Variants in TFAP4 observed in about 807,000 individuals in gnomAD.
TFAP4 encodes the protein transcription factor AP-4, also known as activating enhancer-binding protein 4.
A neutral mutation model predicts 40.4 loss-of-function variants in TFAP4; 7 were observed. The observed-to-expected ratio is 0.17, with a 90% CI of 0.10 to 0.33. The LOEUF is 0.33. TFAP4 is among the 10% of genes least tolerant of loss of function. The pLI is 1.00. For synonymous variants in TFAP4, 218 were observed against 181.4 expected (o/e 1.20, Z -1.62); for missense variants, 374 against 451.1 (o/e 0.83, Z 1.55).
intron 6 of TFAP4, 111 bp downstream of exon 6, chr16:4,259,979 C>T (rs958685779): frequency 7.2e-7 from 1 of 1,379,416 alleles, no homozygotes; most frequent in African/African-American, 1.5e-5. Flanking sequence ...CCACCCCTTC[C>T]CACACAAGCA....
At chr16:4,264,290 TG>T (rs1285409442) in intron 1 of TFAP4, 1 of 152,634 alleles carries the variant, frequency 6.6e-6, no homozygotes, top group Admixed American at 6.5e-5. Context: ...GTGGCCTTCC[TG>T]GCCCCACCCA....
intron 6 of TFAP4, 136 bp from the exon 7 acceptor site, chr16:4,258,385 G>A: frequency 1.3e-6 from 1 of 790,410 alleles, no homozygotes; most frequent in Non-Finnish European, 2.0e-6. Flanking sequence ...CAGCAGGGGA[G>A]GCCCGCTAGA....
intron 4 of TFAP4, 109 bp downstream of exon 4, chr16:4,261,670 G>A (rs1218065869): frequency 3.1e-6 from 4 of 1,285,338 alleles, no homozygotes; most frequent in Non-Finnish European, 4.1e-6. Context: ...CACCGCAGTA[G>A]GTGCTCCTGT....
intron 1 of TFAP4, among the ~76,000 whole-genome samples, chr16:4,269,569 T>C (rs1050648243): frequency 2.0e-5 from 3 of 149,650 alleles, no homozygotes; most frequent in African/African-American, 7.4e-5. Flanking sequence ...CACAGCACTT[T>C]GGGAGGACGA....
At chr16:4,271,540 G>A (rs1177647964) in intron 1 of TFAP4, among the ~76,000 whole-genome samples, 2 of 152,226 alleles carry the variant, frequency 1.3e-5, no homozygotes, top group Admixed American at 6.5e-5. Context: ...TAAGAAGTGT[G>A]CGGGGTGGTT....
rs543424880 is a variant in TFAP4, at chr16:4,265,959, T to A, written c.90-3258A>T. ...GCCCCTCTGAACACAAGCCCACAAG[T>A]GAGGTGACTTGCCCAAGGTCACACC... On this transcript the variant is annotated intron_variant, in intron 1 of 6. Coordinates refer to ENST00000204517, the MANE Select transcript of TFAP4 (RefSeq NM_003223.3). 3 of 152,352 alleles carry A rather than the reference T, an allele frequency of 2.0e-5. No individual in the cohort carries two copies. In the South Asian group the frequency reaches 6.2e-4, roughly 32 times the overall value. The allele number at this position is 152,352 out of a possible 1,614,324, so 9.4% of individuals were successfully genotyped here.
intron 1 of TFAP4, among the ~76,000 whole-genome samples, chr16:4,270,150 C>A (rs1201105485): frequency 6.6e-6 from 1 of 151,966 alleles, no homozygotes; most frequent in Non-Finnish European, 1.5e-5. Context: ...GCACTCCATT[C>A]TGGGTGACAG....
chr16:4,260,020 C>T (rs376993133), intron 6 of TFAP4, 70 bp downstream of exon 6: 415 of 1,491,488 alleles, frequency 2.8e-4, no homozygotes, highest in Middle Eastern at 1.3e-3. Flanking sequence ...CCCTCTTTTC[C>T]AGTCTCCCCT....
At chr16:4,272,599 G>T in intron 1 of TFAP4, 59 bp downstream of exon 1, 1 of 1,422,028 alleles carries the variant, frequency 7.0e-7, no homozygotes, top group Non-Finnish European at 9.5e-7. Context: ...CGCCCGCCCG[G>T]GCGGGCTGGC....
chr16:4,272,080 G>A (rs1223922095), intron 1 of TFAP4, among the ~76,000 whole-genome samples: 2 of 150,726 alleles, frequency 1.3e-5, no homozygotes, highest in Non-Finnish European at 3.0e-5. Flanking sequence ...CGGGCCCCTC[G>A]GGGTCCGCCC....
Position 4,262,392 on chromosome 16 carries a change from T to C in TFAP4, c.286A>G (p.Ile96Val), listed in dbSNP as rs1438731709. 2.5e-6 allele frequency: 4 copies of C among 1,614,174 alleles called. No homozygotes were observed. The highest frequency in any genetic ancestry group is 1.6e-4 in the Middle Eastern group (1 of 6,062). The change falls in exon 3 of 7, where the codon ATC (isoleucine) becomes GTC (valine). Residue 96 changes from isoleucine to valine, a missense_variant. Transcript: ENST00000204517. ...GTCTTCTCCTGCTCCAGGGAGAAGATGTACTCGGCTGTCTGCTGGAGAATG... is the reference window on the plus strand; with the variant it reads ...GTCTTCTCCTGCTCCAGGGAGAAGACGTACTCGGCTGTCTGCTGGAGAATG... Reference protein sequence around the residue: ...AAILQQTAEYIFSLEQEKTRL... With the variant: ...AAILQQTAEYVFSLEQEKTRL...
At chr16:4,262,178 C>G in intron 3 of TFAP4, 146 bp downstream of exon 3, 1 of 1,038,012 alleles carries the variant, frequency 9.6e-7, no homozygotes, top group East Asian at 2.4e-5. Context: ...GATGGGGAAA[C>G]TGAGGCCGGG....
At chr16:4,262,448 C>A in intron 2 of TFAP4, 26 bp from the exon 3 acceptor site, 1 of 1,613,980 alleles carries the variant, frequency 6.2e-7, no homozygotes. Context: ...AGCCGAGAGT[C>A]AGGCTGGCAG....
chr16:4,261,118 C>T (rs962996894), intron 4 of TFAP4, among the ~76,000 whole-genome samples: 2 of 151,152 alleles, frequency 1.3e-5, no homozygotes, highest in African/African-American at 4.9e-5. Flanking sequence ...ACAGGCACAC[C>T]CCACCACACC....
intron 1 of TFAP4, among the ~76,000 whole-genome samples, chr16:4,270,143 C>T (rs1436100518): frequency 6.6e-6 from 1 of 152,092 alleles, no homozygotes; most frequent in Non-Finnish European, 1.5e-5. Flanking sequence ...CAAGATTGCA[C>T]TCCATTCTGG....
intron 2 of TFAP4, 37 bp from the exon 3 acceptor site, chr16:4,262,459 T>G (rs2052957755): frequency 6.2e-7 from 1 of 1,613,722 alleles, no homozygotes. Flanking sequence ...AGGCTGGCAG[T>G]GTTTACCAGA....
chr16:4,261,702 C>G (rs557661861), intron 4 of TFAP4, 77 bp downstream of exon 4: 51 of 1,438,282 alleles, frequency 3.5e-5, no homozygotes, highest in Non-Finnish European at 4.7e-5. Context: ...CACCGAGGGC[C>G]GCAGAGCAAG....
In TFAP4 at chr16:4,257,757, T is replaced by C. The variant is rs1597310052; in HGVS notation, c.*298A>G. On this transcript the variant is annotated 3_prime_UTR_variant, in exon 7 of 7. Transcript: ENST00000204517. Reference sequence around the variant, plus strand: ...TAAAAAACATATTTAAAGGAAAAAATGCTTTTTGGCAGAGAGAGGCCAGGC... The same window carrying C: ...TAAAAAACATATTTAAAGGAAAAAACGCTTTTTGGCAGAGAGAGGCCAGGC... 1.6e-5 allele frequency: 5 copies of C among 311,874 alleles called. No individual in the cohort carries two copies. In the South Asian group the frequency reaches 4.9e-4, roughly 31 times the overall value. The allele number at this position is 311,874 out of a possible 1,614,324, so 19.3% of individuals were successfully genotyped here.
At chr16:4,259,987 G>A (rs2052930740) in intron 6 of TFAP4, 103 bp downstream of exon 6, 2 of 1,401,222 alleles carry the variant, frequency 1.4e-6, no homozygotes, top group Non-Finnish European at 9.5e-7. Context: ...TCCCACACAA[G>A]CACCATCTTC....
Sources: gnomAD v4.1 joint callset for allele counts (sites outside exome capture counted in the v4.1 genomes callset) on GRCh38, gnomAD v4.1.1 for gene constraint, MANE v1.5 for transcripts, NCBI Gene and HGNC (gene_info 2026-07-23, HGNC 2026-07-21) for gene names.